Variants in GOLGA4 observed in about 807,000 individuals in gnomAD.
GOLGA4 encodes golgin A4, also known as golgin subfamily A member 4.
GOLGA4 carries 169 observed loss-of-function variants against 265.9 expected under a neutral mutation model. That is an observed-to-expected ratio of 0.64 (90% CI 0.56 to 0.72). The LOEUF is 0.72. GOLGA4 is among the 30% of genes least tolerant of loss of function. The pLI, the probability that GOLGA4 is intolerant of heterozygous loss-of-function variation, is 0.00. For synonymous variants in GOLGA4, 923 were observed against 855.8 expected (o/e 1.08, Z -1.37); for missense variants, 2,482 against 2,483.4 (o/e 1.00, Z 0.01).
chr3:37,282,269 T>C lies in GOLGA4; in HGVS notation c.474T>C (p.Ser158=). 6.2e-7 allele frequency: 1 copy of C among 1,612,628 alleles called. No individual in the cohort carries two copies. The highest frequency in any genetic ancestry group is 8.5e-7 in the Non-Finnish European group (1 of 1,178,832). ...TAAGTAGCTACAGGGGAAAATATTC[T>C]GAGGTAGGAGCATGACCTTTTTGCC... ...RSLSSYRGKY[S]ELVTAYQMLQ... is the part of the protein sequence containing the mutation. Residue 158 remains serine, a synonymous_variant, in exon 3 of 24, where the codon TCT becomes TCC. Transcript: ENST00000361924.
At chr3:37,317,152 C>G (rs2096939974) in intron 11 of GOLGA4, among the ~76,000 whole-genome samples, 1 of 152,034 alleles carries the variant, frequency 6.6e-6, no homozygotes, top group South Asian at 2.1e-4. Context: ...TTTGCTATTG[C>G]AAGTTATGAA....
At chr3:37,297,667 G>A (rs918054810) in intron 7 of GOLGA4, among the ~76,000 whole-genome samples, 1 of 152,138 alleles carries the variant, frequency 6.6e-6, no homozygotes, top group Non-Finnish European at 1.5e-5. Flanking sequence ...TTGGAAGGGT[G>A]CCAGTTTATT....
intron 13 of GOLGA4, among the ~76,000 whole-genome samples, chr3:37,322,584 TG>T (rs2150954732): frequency 6.6e-6 from 1 of 152,290 alleles, no homozygotes; most frequent in Non-Finnish European, 1.5e-5. Context: ...AAAGGTTCCA[TG>T]GTGGGTGAAA....
In GOLGA4 at chr3:37,257,953, GTATA is replaced by G. The variant is rs1338642408; in HGVS notation, c.162+6473_162+6476del. On this transcript the variant is annotated intron_variant, in intron 2 of 23. Coordinates refer to ENST00000361924, the MANE Select transcript of GOLGA4 (RefSeq NM_002078.5). ...TATATATACATACATATATATGTAT[GTATA>G]TATGTATATATACATACATATATAT... Among the ~76,000 whole-genome samples, 71 of 93,134 alleles carry G rather than the reference GTATA, an allele frequency of 7.6e-4. 6 individuals carry two copies. The highest frequency in any genetic ancestry group is 1.8e-3 in the South Asian group (6 of 3,418). The allele number at this position is 93,134 out of a possible 152,430, so 61.1% of individuals were successfully genotyped here. A position where few individuals can be genotyped will look rare whatever the true frequency, so the allele number is the denominator to read the frequency against.
At chr3:37,350,919 A>G (rs1267211853) in intron 21 of GOLGA4, among the ~76,000 whole-genome samples, 4 of 152,118 alleles carry the variant, frequency 2.6e-5, no homozygotes, top group African/African-American at 9.7e-5. Context: ...TATTACCTCT[A>G]TGTTGATGGC....
intron 20 of GOLGA4, among the ~76,000 whole-genome samples, chr3:37,346,386 T>C (rs910450863): frequency 3.9e-5 from 6 of 152,212 alleles, no homozygotes; most frequent in African/African-American, 1.4e-4. Flanking sequence ...TTTTAATGTT[T>C]TATATGTTTT....
At chr3:37,252,527 A>C (rs755449683) in intron 2 of GOLGA4, among the ~76,000 whole-genome samples, 14 of 152,170 alleles carry the variant, frequency 9.2e-5, no homozygotes, top group Non-Finnish European at 1.8e-4. Flanking sequence ...AACACATAAG[A>C]AGATAATGCT....
chr3:37,273,513 C>T, intron 2 of GOLGA4: 1 of 1,380,764 alleles, frequency 7.2e-7, no homozygotes, highest in South Asian at 1.2e-5. Context: ...TTTTGCTTTA[C>T]AATGTTTCTT....
intron 1 of GOLGA4, chr3:37,250,461 A>G (rs2096730846): frequency 6.6e-6 from 1 of 152,186 alleles, no homozygotes; most frequent in Non-Finnish European, 1.5e-5. Flanking sequence ...TTTGTATACT[A>G]TTCCTCACGA....
At chr3:37,254,582 C>T (rs1460091121) in intron 2 of GOLGA4, among the ~76,000 whole-genome samples, 1 of 151,736 alleles carries the variant, frequency 6.6e-6, no homozygotes, top group Non-Finnish European at 1.5e-5. Flanking sequence ...AGTCTTGGCT[C>T]ACTGCAACCT....
chr3:37,279,598 G>C (rs191808914), intron 2 of GOLGA4, among the ~76,000 whole-genome samples: 2 of 152,142 alleles, frequency 1.3e-5, no homozygotes, highest in African/African-American at 2.4e-5. Flanking sequence ...ATGAAGATTT[G>C]TTGAAAATGT....
intron 21 of GOLGA4, among the ~76,000 whole-genome samples, chr3:37,354,509 T>A (rs2097084908): frequency 6.6e-6 from 1 of 152,106 alleles, no homozygotes; most frequent in Admixed American, 6.6e-5. Flanking sequence ...GCACAATTTA[T>A]GATCTTGTTT....
chr3:37,251,265 T>A, intron 1 of GOLGA4, 130 bp from the exon 2 acceptor site: 2 of 599,760 alleles, frequency 3.3e-6, no homozygotes. Context: ...CCTTTTCTGC[T>A]TTTCGTGTTT....
intron 20 of GOLGA4, among the ~76,000 whole-genome samples, chr3:37,341,377 T>A (rs961794960): frequency 6.6e-6 from 1 of 152,226 alleles, no homozygotes; most frequent in Non-Finnish European, 1.5e-5. Context: ...TCTGCTTTCC[T>A]ATGGGAAGCA....
chr3:37,256,483 G>A (rs547274421), intron 2 of GOLGA4, among the ~76,000 whole-genome samples: 3 of 151,838 alleles, frequency 2.0e-5, no homozygotes, highest in African/African-American at 4.8e-5. Flanking sequence ...AAAAAAAAAG[G>A]GACATAAAAA....
At chr3:37,268,811 C>T (rs2096790476) in intron 2 of GOLGA4, among the ~76,000 whole-genome samples, 2 of 152,160 alleles carry the variant, frequency 1.3e-5, no homozygotes, top group African/African-American at 4.8e-5. Context: ...CTCAAGTGAT[C>T]CACCTGCCTC....
chr3:37,289,572 A>G (rs1244214160), intron 5 of GOLGA4, among the ~76,000 whole-genome samples: 1 of 152,168 alleles, frequency 6.6e-6, no homozygotes, highest in East Asian at 1.9e-4. Context: ...TTCTTCTGTT[A>G]TGTATTTCAG....
At chr3:37,288,971 CA>C (rs1468857564) in intron 4 of GOLGA4, among the ~76,000 whole-genome samples, 6 of 152,224 alleles carry the variant, frequency 3.9e-5, no homozygotes, top group Non-Finnish European at 2.9e-5. Context: ...GTTTGGTTTA[CA>C]TGTCCATGCA....
chr3:37,302,988 A>C (rs2096896951), intron 10 of GOLGA4, among the ~76,000 whole-genome samples: 1 of 152,246 alleles, frequency 6.6e-6, no homozygotes, highest in African/African-American at 2.4e-5. Context: ...GTGAGTTTTG[A>C]ATTGGACCTC....
Sources: allele counts gnomAD v4.1 joint callset (sites outside exome capture counted in the v4.1 genomes callset), GRCh38; gene constraint gnomAD v4.1.1; transcripts MANE v1.5; gene names NCBI Gene and HGNC (gene_info 2026-07-23, HGNC 2026-07-21).